EPHA5: variants seen among roughly 807,000 people sequenced by gnomAD.
The protein encoded by EPHA5 is ephrin type-A receptor 5.
Under a neutral mutation model 105.0 loss-of-function variants are expected in EPHA5, and 60 were observed. The observed-to-expected ratio is 0.57, with a 90% confidence interval of 0.46 to 0.71. The LOEUF is 0.71. Among genes scored for constraint, EPHA5 ranks in the 30% least tolerant of loss-of-function variants. EPHA5 has a pLI of 0.00. For synonymous variants in EPHA5, 513 were observed against 449.1 expected, an observed-to-expected ratio of 1.14 and a Z score of -1.80; for missense variants, 1,218 against 1,274.7, an observed-to-expected ratio of 0.96 and a Z score of 0.68.
chr4:65,415,591 TA>T (rs1427280584), intron 6 of EPHA5, among the ~76,000 whole-genome samples: 2 of 152,032 alleles, frequency 1.3e-5, no homozygotes, highest in Non-Finnish European at 2.9e-5. Flanking sequence ...GTATAATTTA[TA>T]AGCCAAATAG....
chr4:65,358,066 T>C (rs1257086739), intron 11 of EPHA5, among the ~76,000 whole-genome samples: 2 of 151,408 alleles, frequency 1.3e-5, no homozygotes, highest in Non-Finnish European at 3.0e-5. Context: ...TGGGAACTTA[T>C]TAGAAATGTA....
intron 3 of EPHA5, among the ~76,000 whole-genome samples, chr4:65,556,997 T>G (rs546134958): frequency 6.7e-4 from 102 of 152,042 alleles, no homozygotes; most frequent in African/African-American, 2.4e-3. Flanking sequence ...AAATTCTGTT[T>G]GTCCTTTATT....
At chr4:65,427,527 G>A (rs577406413) in intron 5 of EPHA5, among the ~76,000 whole-genome samples, 173 of 152,146 alleles carry the variant, frequency 1.1e-3, no homozygotes, top group African/African-American at 4.0e-3. Context: ...GTAAAGAACA[G>A]ATTTTTGAAA....
At chr4:65,625,539 C>G (rs909366681) in intron 2 of EPHA5, among the ~76,000 whole-genome samples, 2 of 152,048 alleles carry the variant, frequency 1.3e-5, no homozygotes, top group Non-Finnish European at 2.9e-5. Context: ...TTTAATATTT[C>G]TCTCTCATTT....
rs2149226560 is a variant in EPHA5 at position 65,495,516 on chromosome 4, G to A, written c.938C>T (p.Ser313Leu). The stretch of plus-strand genomic sequence containing the variant: ...TTTGCCGCAGCTCTGGATGTGAGGT[G>A]AGGCTTTGAAGAACCCAGGTCTGCA... ...QVCRPGFFKA[S>L]PHIQSCGKCP... Residue 313 changes from serine (S) to leucine (L), a missense_variant, in exon 4 of 17, where the codon TCA becomes TTA. Transcript: ENST00000613740. 14 of 1,613,726 alleles carry A rather than the reference G, an allele frequency of 8.7e-6. No individual in the cohort carries two copies. The highest frequency in any genetic ancestry group is 1.2e-5 in the Non-Finnish European group (14 of 1,179,758).
chr4:65,648,428 A>G (rs1170726902), intron 1 of EPHA5, among the ~76,000 whole-genome samples: 1 of 152,314 alleles, frequency 6.6e-6, no homozygotes, highest in Admixed American at 6.5e-5. Context: ...GATCAAGGAC[A>G]TGTGATCCCA....
chr4:65,539,207 C>T (rs1261873946), intron 3 of EPHA5, among the ~76,000 whole-genome samples: 1 of 151,394 alleles, frequency 6.6e-6, no homozygotes. Flanking sequence ...CTGAGATGTC[C>T]CATAAATGAG....
intron 3 of EPHA5, among the ~76,000 whole-genome samples, chr4:65,540,931 TA>T (rs563935072): frequency 1.2e-3 from 180 of 150,020 alleles, no homozygotes; most frequent in Non-Finnish European, 2.2e-3. Context: ...TTCTGTTTAA[TA>T]AAAAAAGGAA....
chr4:65,651,206 A>G (rs1412736334), intron 1 of EPHA5, among the ~76,000 whole-genome samples: 2 of 152,198 alleles, frequency 1.3e-5, no homozygotes, highest in South Asian at 4.1e-4. Context: ...AAGCTTTCAG[A>G]TTAAGGTTGG....
chr4:65,512,277 A>G (rs933453809), intron 3 of EPHA5, among the ~76,000 whole-genome samples: 1 of 152,200 alleles, frequency 6.6e-6, no homozygotes, highest in East Asian at 1.9e-4. Context: ...TAAGCATGAC[A>G]TTGCTAGTGG....
At chr4:65,383,524 T>A (rs1430626711) in intron 8 of EPHA5, among the ~76,000 whole-genome samples, 4 of 151,928 alleles carry the variant, frequency 2.6e-5, no homozygotes, top group Non-Finnish European at 4.4e-5. Context: ...ACTATTTTTA[T>A]CTTTGGCAAG....
chr4:65,465,100 A>T (rs183370198), intron 5 of EPHA5, among the ~76,000 whole-genome samples: 1 of 152,234 alleles, frequency 6.6e-6, no homozygotes, highest in East Asian at 1.9e-4. Context: ...TTAATTATTC[A>T]AAGACAGCTT....
intron 3 of EPHA5, among the ~76,000 whole-genome samples, chr4:65,530,036 G>A (rs1039093988): frequency 3.3e-5 from 5 of 152,048 alleles, no homozygotes; most frequent in Non-Finnish European, 5.9e-5. Context: ...TGTTGTGACA[G>A]GTGCCAGGTG....
At chr4:65,339,351 T>C (rs754884720) in intron 14 of EPHA5, among the ~76,000 whole-genome samples, 2 of 152,114 alleles carry the variant, frequency 1.3e-5, no homozygotes, top group Non-Finnish European at 2.9e-5. Context: ...ACATAGTATA[T>C]CACCCATCCA....
chr4:65,345,595 A>G (rs962373241), intron 14 of EPHA5, among the ~76,000 whole-genome samples: 4 of 152,208 alleles, frequency 2.6e-5, no homozygotes, highest in African/African-American at 4.8e-5. Context: ...GGAACTATGG[A>G]AAGTCGGAGG....
At chr4:65,353,287 A>ATTTTAATATATTTAATATTTTAAAAACAT (rs1479871860) in intron 11 of EPHA5, among the ~76,000 whole-genome samples, 184 bp from the exon 12 acceptor site, 10 of 147,256 alleles carry the variant, frequency 6.8e-5, no homozygotes, top group Non-Finnish European at 1.0e-4. Context: ...ATTTAAAAAT[A>ATTTTAATATATTTAATATTTTAAAAACAT]TTTTAATATA....
At chr4:65,574,732 A>ATG (rs1560718291) in intron 3 of EPHA5, among the ~76,000 whole-genome samples, 1 of 99,058 alleles carries the variant, frequency 1.0e-5, no homozygotes, top group Non-Finnish European at 1.9e-5. Flanking sequence ...ATATATATAC[A>ATG]TATATATATA....
intron 11 of EPHA5, among the ~76,000 whole-genome samples, chr4:65,356,034 C>T (rs1723267096): frequency 6.6e-6 from 1 of 151,434 alleles, no homozygotes; most frequent in Admixed American, 6.6e-5. Flanking sequence ...GAACTGAATT[C>T]CAGCAAACAT....
intron 2 of EPHA5, among the ~76,000 whole-genome samples, chr4:65,620,800 G>T (rs1016594223): frequency 6.6e-6 from 1 of 152,164 alleles, no homozygotes; most frequent in African/African-American, 2.4e-5. Flanking sequence ...GGAAAGAAAT[G>T]TATTCAGAAA....
Sources: gnomAD v4.1 joint callset for allele counts (sites outside exome capture counted in the v4.1 genomes callset) on GRCh38, gnomAD v4.1.1 for gene constraint, MANE v1.5 for transcripts, NCBI Gene and HGNC (gene_info 2026-07-23, HGNC 2026-07-21) for gene names.